MBD5: variants seen among roughly 807,000 people sequenced by gnomAD.
MBD5 encodes methyl-CpG-binding domain protein 5.
In MBD5, 13 loss-of-function variants were observed where a neutral mutation model predicts 117.3. The observed-to-expected ratio is 0.11, with a 90% CI of 0.07 to 0.18. MBD5 has a LOEUF of 0.18. Ranked by LOEUF, MBD5 falls within the 10% of genes least tolerant of loss-of-function variation. The pLI is 1.00. For synonymous variants in MBD5, 727 were observed against 766.4 expected (o/e 0.95, Z 0.85); for missense variants, 1,879 against 2,093.8 (o/e 0.90, Z 2.00).
At chr2:148,021,061 T>G (rs546605679), upstream of MBD5, 2 of 152,042 alleles carry the variant, frequency 1.3e-5, no homozygotes, top group East Asian at 2.0e-4. Context: ...GTGCCTCCCG[T>G]CTCTTCTACC....
chr2:148,326,472 A>C (rs1215047903), intron 3 of MBD5, among the ~76,000 whole-genome samples: 1 of 152,050 alleles, frequency 6.6e-6, no homozygotes, highest in African/African-American at 2.4e-5. Flanking sequence ...TGGGAGTCTA[A>C]GTCTCTTTGT....
In MBD5 at chr2:148,165,723, T is replaced by TAC. The variant is rs200497050; in HGVS notation, c.-924-12975_-924-12974dup. Among the ~76,000 whole-genome samples, 218 of 152,284 alleles carry TAC rather than the reference T, an allele frequency of 1.4e-3. 3 individuals carry two copies. The highest frequency in any genetic ancestry group is 0.013 in the East Asian group (67 of 5,188). On this transcript the variant is annotated intron_variant, in intron 1 of 13. Transcript: ENST00000642680. ...CTATGTCTATATCTGCAACAATATCTACAGCTCTATTCTCAGTGCTATAAA... is the reference window on the plus strand; with the variant it reads ...CTATGTCTATATCTGCAACAATATCTACACAGCTCTATTCTCAGTGCTATAAA...
chr2:148,049,336 G>A (rs1405266643), intron 1 of MBD5, among the ~76,000 whole-genome samples: 2 of 152,196 alleles, frequency 1.3e-5, no homozygotes, highest in African/African-American at 4.8e-5. Flanking sequence ...AGAAATTTAT[G>A]GAAATCTGTC....
chr2:148,510,073 AAT>A lies in MBD5; in HGVS notation c.5052_5053del (p.Asn1684LysfsTer9). 1.9e-6 allele frequency: 3 copies of A among 1,611,704 alleles called. No homozygotes were observed. The highest frequency in any genetic ancestry group is 2.5e-6 in the Non-Finnish European group (3 of 1,178,030). ...RKRNRKSGKLNNHLEAAIHEA... is the reference protein window; with the variant it reads ...RKRNRKSGKLXNHLEAAIHEA... ...CATTAATTCCAGAAGTGGAAAGCTA[AAT>A]AACCATTTAGAAGCTGCTATTCATG... On this transcript the variant is annotated frameshift_variant, in exon 13 of 14. Transcript: ENST00000642680. LOFTEE classifies it high-confidence loss of function.
At chr2:148,474,317 G>T (rs2105680474) in intron 8 of MBD5, among the ~76,000 whole-genome samples, 1 of 152,168 alleles carries the variant, frequency 6.6e-6, no homozygotes, top group Non-Finnish European at 1.5e-5. Flanking sequence ...CCTCTGCAGA[G>T]GACTTAGCCC....
chr2:148,025,163 G>C (rs1030479960), intron 1 of MBD5: 1 of 152,122 alleles, frequency 6.6e-6, no homozygotes, highest in African/African-American at 2.4e-5. Context: ...TGTCTGCCAG[G>C]CACTGTGCTA....
At chr2:148,355,372 T>TTAC (rs1255409297) in intron 4 of MBD5, among the ~76,000 whole-genome samples, 1 of 151,948 alleles carries the variant, frequency 6.6e-6, no homozygotes, top group Non-Finnish European at 1.5e-5. Flanking sequence ...ATATCCTGAA[T>TTAC]GGTATTGCCC....
At chr2:148,349,131 G>GT (rs1280049321) in intron 4 of MBD5, among the ~76,000 whole-genome samples, 2 of 151,698 alleles carry the variant, frequency 1.3e-5, no homozygotes, top group African/African-American at 4.8e-5. Flanking sequence ...ATTTCAAAGG[G>GT]TAAAAAAAAG....
At chr2:148,449,261 A>G (rs934024196) in intron 4 of MBD5, among the ~76,000 whole-genome samples, 1 of 152,126 alleles carries the variant, frequency 6.6e-6, no homozygotes, top group African/African-American at 2.4e-5. Context: ...ACATGCATAT[A>G]GACCTTCACT....
intron 3 of MBD5, among the ~76,000 whole-genome samples, chr2:148,311,434 G>C (rs1702028394): frequency 6.6e-6 from 1 of 151,944 alleles, no homozygotes; most frequent in Non-Finnish European, 1.5e-5. Flanking sequence ...ACCTTTGTTG[G>C]TTTAAAGTCT....
At chr2:148,392,606 A>T (rs1027782643) in intron 4 of MBD5, among the ~76,000 whole-genome samples, 1 of 152,076 alleles carries the variant, frequency 6.6e-6, no homozygotes, top group African/African-American at 2.4e-5. Context: ...ACTTCTTGAG[A>T]ATATTTTATC....
At chr2:148,335,500 C>G (rs1362472295) in intron 3 of MBD5, among the ~76,000 whole-genome samples, 2 of 152,154 alleles carry the variant, frequency 1.3e-5, no homozygotes, top group Non-Finnish European at 2.9e-5. Flanking sequence ...AGGAGGATGG[C>G]TTGAACCCAG....
chr2:148,274,729 T>TG (rs1015229699), intron 3 of MBD5, among the ~76,000 whole-genome samples: 2 of 151,002 alleles, frequency 1.3e-5, no homozygotes, highest in Admixed American at 6.6e-5. Context: ...TTTTTTGTTT[T>TG]TTTTTTTTTT....
In MBD5 at chr2:148,490,378, G is replaced by T. The variant is rs138337378; in HGVS notation, c.4746G>T (p.Val1582=). 3.7e-6 allele frequency: 6 copies of T among 1,614,182 alleles called. No homozygotes were observed. In the African/African-American group the frequency reaches 8.0e-5, roughly 22 times the overall value. Residue 1582 remains valine, a synonymous_variant, in exon 11 of 14, where the codon GTG becomes GTT. Coordinates refer to ENST00000642680, the MANE Select transcript of MBD5 (RefSeq NM_001378120.1). ...ATGCCAAAAGCGTTAATGGGTGTGT[G>T]CCTAGCCCTTCAGATGCTAAAAGCA... ...DFNAKSVNGC[V]PSPSDAKSIS... is the part of the protein sequence containing the mutation.
In MBD5 at chr2:148,358,159, C is replaced by T. The variant is rs149257122; in HGVS notation, c.-557+15823C>T. On this transcript the variant is annotated intron_variant, in intron 4 of 13. Transcript: ENST00000642680. The stretch of plus-strand genomic sequence containing the variant: ...GGGTCTTAAAAGAAGTAAAAACATG[C>T]GTGGTCTACCTGGTATCTTTAACTA... Among the ~76,000 whole-genome samples, 177 of 152,162 alleles carry T rather than the reference C, an allele frequency of 1.2e-3. 1 individual carries two copies. The highest frequency in any genetic ancestry group is 3.7e-3 in the African/African-American group (152 of 41,508).
intron 8 of MBD5, among the ~76,000 whole-genome samples, chr2:148,476,254 G>A (rs1185612585): frequency 6.6e-6 from 1 of 152,192 alleles, no homozygotes; most frequent in Non-Finnish European, 1.5e-5. Context: ...CTCCTACAGA[G>A]TTGAGCAACT....
At chr2:148,308,487 CTTTCTTTTTTTTTTTTTTTTT>C (rs1423073114) in intron 3 of MBD5, among the ~76,000 whole-genome samples, 2 of 27,698 alleles carry the variant, frequency 7.2e-5, no homozygotes, top group Admixed American at 4.4e-4. Context: ...TGATGGGGTT[CTTTCTTTTTTTTTTTTTTTTT>C]TTTTTTTTTT....
At chr2:148,272,471 C>G (rs1348184363) in intron 3 of MBD5, among the ~76,000 whole-genome samples, 1 of 152,110 alleles carries the variant, frequency 6.6e-6, no homozygotes, top group Non-Finnish European at 1.5e-5. Context: ...TTCGTAATAG[C>G]TATTCTAACA....
intron 1 of MBD5, among the ~76,000 whole-genome samples, chr2:148,091,739 T>C (rs1695949203): frequency 6.6e-6 from 1 of 152,274 alleles, no homozygotes; most frequent in East Asian, 1.9e-4. Context: ...CTACTAGACA[T>C]TGGCTTAGGC....
Sources: gnomAD v4.1 joint callset for allele counts (sites outside exome capture counted in the v4.1 genomes callset) on GRCh38, gnomAD v4.1.1 for gene constraint, MANE v1.5 for transcripts, NCBI Gene and HGNC (gene_info 2026-07-23, HGNC 2026-07-21) for gene names.